Variants in GFPT2 observed in about 807,000 individuals in gnomAD.
GFPT2 encodes the protein glutamine--fructose-6-phosphate transaminase 2.
Under a neutral mutation model 85.6 loss-of-function variants are expected in GFPT2, and 62 were observed. The observed-to-expected ratio is 0.72, with a 90% CI of 0.59 to 0.90. The LOEUF (loss-of-function observed/expected upper bound fraction) is 0.90. GFPT2 is among the 40% of genes least tolerant of loss of function. GFPT2 has a pLI of 0.00. For missense variants in GFPT2, 788 were observed against 893.4 expected (o/e 0.88, Z 1.50); for synonymous variants, 368 against 344.5 (o/e 1.07, Z -0.75).
intron 3 of GFPT2, chr5:180,336,175 G>C (rs571098868): frequency 1.8e-6 from 1 of 562,528 alleles, no homozygotes; most frequent in African/African-American, 1.9e-5. Context: ...AAATAAACTT[G>C]CTTTAAAAAG....
intron 4 of GFPT2, among the ~76,000 whole-genome samples, chr5:180,333,965 C>T (rs887784566): frequency 6.6e-6 from 1 of 152,144 alleles, no homozygotes; most frequent in East Asian, 1.9e-4. Context: ...CATCTCAGGG[C>T]ACATGGTCTG....
chr5:180,344,150 G>C (rs1487215185), intron 1 of GFPT2, among the ~76,000 whole-genome samples: 1 of 152,206 alleles, frequency 6.6e-6, no homozygotes, highest in Non-Finnish European at 1.5e-5. Context: ...CATTCTCTTG[G>C]AAGGCAATTT....
At position 180,336,535 on chromosome 5, in the gene GFPT2, T is replaced by G; in HGVS notation, c.158A>C (p.His53Pro). 3 of 1,612,244 alleles carry G rather than the reference T, an allele frequency of 1.9e-6. No individual in the cohort carries two copies. Among genetic ancestry groups the G allele is most frequent in the Non-Finnish European group, 2.5e-6 (3 of 1,178,248 alleles). ...CCCCCTTTTCTTGACCAGCTGAATG[T>G]GTCTTTCTTTGACTTCGTGATTATT... ...DGNNHEVKER[H>P]IQLVKKRGKV... Residue 53 changes from histidine to proline, a missense_variant, in exon 3 of 19, where the codon CAC (histidine) becomes CCC (proline). Physicochemically the swap from His to Pro is moderately conservative, Grantham distance 77 (BLOSUM62 -2). Coordinates refer to ENST00000253778, the MANE Select transcript of GFPT2 (RefSeq NM_005110.4).
At chr5:180,324,026 G>A (rs1423615508) in intron 9 of GFPT2, among the ~76,000 whole-genome samples, 162 bp downstream of exon 9, 1 of 152,230 alleles carries the variant, frequency 6.6e-6, no homozygotes, top group Non-Finnish European at 1.5e-5. Flanking sequence ...CTAGGACAAG[G>A]ACTCCAGGCC....
At chr5:180,348,614 C>G (rs1764654854) in intron 1 of GFPT2, among the ~76,000 whole-genome samples, 1 of 152,192 alleles carries the variant, frequency 6.6e-6, no homozygotes, top group Non-Finnish European at 1.5e-5. Flanking sequence ...CCCCTGGAGA[C>G]AGCCCCAGAC....
intron 1 of GFPT2, chr5:180,352,517 CG>C (rs1188619887): frequency 1.8e-5 from 8 of 445,684 alleles, no homozygotes; most frequent in Non-Finnish European, 3.6e-5. Context: ...GGGAGCGCCG[CG>C]GGAATCGGAC....
intron 17 of GFPT2, among the ~76,000 whole-genome samples, chr5:180,304,382 C>T (rs1763737656): frequency 6.6e-6 from 1 of 152,184 alleles, no homozygotes; most frequent in Admixed American, 6.5e-5. Flanking sequence ...GAATCGAGGG[C>T]AGTCTTATGG....
chr5:180,315,886 A>G (rs569844209), intron 13 of GFPT2, among the ~76,000 whole-genome samples: 6 of 152,352 alleles, frequency 3.9e-5, no homozygotes, highest in African/African-American at 1.4e-4. Flanking sequence ...GCTGGGCAGC[A>G]TGGGCACTGC....
At chr5:180,305,653 A>T (rs1763761028) in intron 16 of GFPT2, among the ~76,000 whole-genome samples, 1 of 152,152 alleles carries the variant, frequency 6.6e-6, no homozygotes. Context: ...CAGCCACCTA[A>T]ACGCTTCTTC....
intron 7 of GFPT2, among the ~76,000 whole-genome samples, chr5:180,327,394 T>C (rs1446954914): frequency 6.6e-6 from 1 of 152,200 alleles, no homozygotes; most frequent in East Asian, 1.9e-4. Context: ...TGCCCCCACC[T>C]TGCCAACGGG....
intron 7 of GFPT2, among the ~76,000 whole-genome samples, chr5:180,327,121 C>T (rs1243432615): frequency 6.6e-6 from 1 of 152,216 alleles, no homozygotes; most frequent in East Asian, 1.9e-4. Flanking sequence ...GAGACAGCCT[C>T]ACCCTCTCCG....
chr5:180,315,022 C>T (rs73349662), intron 13 of GFPT2, among the ~76,000 whole-genome samples: 2,970 of 152,106 alleles, frequency 0.02, 76 homozygotes, highest in East Asian at 0.097. Flanking sequence ...GCCGGATGGT[C>T]GGTGTATCTG....
intron 1 of GFPT2, among the ~76,000 whole-genome samples, chr5:180,344,051 CGACAGGCAAGG>C (rs536833942): frequency 2.0e-4 from 31 of 152,276 alleles, no homozygotes; most frequent in South Asian, 6.2e-4. Flanking sequence ...GTCTGGCAAG[CGACAGGCAAGG>C]GACAGGCAAG....
intron 1 of GFPT2, among the ~76,000 whole-genome samples, chr5:180,344,172 A>G (rs1057202241): frequency 3.3e-5 from 5 of 152,226 alleles, no homozygotes; most frequent in African/African-American, 1.2e-4. Context: ...AATCTCCAAG[A>G]TGTGTCAAGG....
Position 180,345,198 on chromosome 5 carries a change from T to G in GFPT2, c.8-6598A>C, listed in dbSNP as rs1764583650. ...TTCAATAAAACCAAGGGGGAAATAGTACCATTTACTGTCATTTCATCTTGG... is the reference window on the plus strand; with the variant it reads ...TTCAATAAAACCAAGGGGGAAATAGGACCATTTACTGTCATTTCATCTTGG... On this transcript the variant is annotated intron_variant, in intron 1 of 18. Transcript: ENST00000253778. 1.3e-5 allele frequency among the ~76,000 whole-genome samples: 2 copies of G among 152,276 alleles called. 1 individual carries two copies. Among genetic ancestry groups the G allele is most frequent in the Middle Eastern group, 6.3e-3 (2 of 316 alleles).
chr5:180,337,453 G>GGAA (rs775809718), intron 2 of GFPT2, among the ~76,000 whole-genome samples: 1 of 99,402 alleles, frequency 1.0e-5, no homozygotes, highest in Non-Finnish European at 2.0e-5. Flanking sequence ...ACTCCATCTC[G>GGAA]AAAAAAAAAA....
rs751987471 is a variant in GFPT2, at chr5:180,307,196, T to A, written c.1654A>T (p.Thr552Ser). The change falls in exon 16 of 19, where the codon ACC (threonine) becomes TCC (serine). Residue 552 changes from threonine (T) to serine (S), a missense_variant. Coordinates refer to ENST00000253778, the MANE Select transcript of GFPT2 (RefSeq NM_005110.4). ...LVMGRGYNYA[T>S]CLEGALKIKE... ...CTCACCAGGGCTCCTTCCAGGCAGG[T>A]GGCATAGTTGTAGCCCCGCCCCATC... 7.5e-6 allele frequency: 12 copies of A among 1,593,524 alleles called. No individual in the cohort carries two copies. In the Admixed American group the frequency reaches 2.1e-4, roughly 28 times the overall value.
intron 9 of GFPT2, among the ~76,000 whole-genome samples, chr5:180,321,648 G>A (rs1028442108): frequency 6.6e-6 from 1 of 152,258 alleles, no homozygotes; most frequent in Non-Finnish European, 1.5e-5. Context: ...ACATCTGGGA[G>A]GGCCACCTGC....
At chr5:180,353,023 C>T in intron 1 of GFPT2, 188 bp downstream of exon 1, 1 of 413,516 alleles carries the variant, frequency 2.4e-6, no homozygotes, top group Non-Finnish European at 4.1e-6. Context: ...CCGAGACGGC[C>T]ACTCGGGGAA....
Sources: gnomAD v4.1 joint callset for allele counts (sites outside exome capture counted in the v4.1 genomes callset) on GRCh38, gnomAD v4.1.1 for gene constraint, MANE v1.5 for transcripts, NCBI Gene and HGNC (gene_info 2026-07-23, HGNC 2026-07-21) for gene names.